The following CLVS1 variants were observed in gnomAD, a reference collection of about 807,000 sequenced individuals.
CLVS1 encodes the protein clavesin-1.
CLVS1 carries 10 observed loss-of-function variants against 33.1 expected under a neutral mutation model. That is an observed-to-expected ratio of 0.30 (90% confidence interval 0.19 to 0.51). The LOEUF (loss-of-function observed/expected upper bound fraction) is 0.51. Ranked by LOEUF, CLVS1 falls within the 20% of genes least tolerant of loss-of-function variation. The probability of loss-of-function intolerance (pLI) is 0.97; values close to 1 mark genes in which losing one functional copy is unlikely to be tolerated. For missense variants in CLVS1, 343 were observed against 433.4 expected, an observed-to-expected ratio of 0.79 and a Z score of 1.85; for synonymous variants, 163 against 166.1, an observed-to-expected ratio of 0.98 and a Z score of 0.14.
chr8:61,012,289 C>T, the CLVS1 span, among the ~76,000 whole-genome samples: 9 of 152,204 alleles, frequency 5.9e-5, no homozygotes, highest in Non-Finnish European at 1.0e-4. Flanking sequence ...CTCGCTCACC[C>T]AAGCTCTTTT....
chr8:61,429,419 TAAAAAAAA>T (rs57688988), intron 3 of CLVS1, among the ~76,000 whole-genome samples: 1 of 73,236 alleles, frequency 1.4e-5, no homozygotes, highest in South Asian at 6.1e-4. Flanking sequence ...GACTCTGTCT[TAAAAAAAA>T]AAAAAAAAAA....
upstream of CLVS1, among the ~76,000 whole-genome samples, chr8:61,284,908 T>G (rs938643859): frequency 6.6e-6 from 1 of 152,140 alleles, no homozygotes. Flanking sequence ...CCAGAGAGAC[T>G]CACATACATT....
chr8:61,399,133 T>C (rs1814650024), intron 3 of CLVS1, among the ~76,000 whole-genome samples: 2 of 152,240 alleles, frequency 1.3e-5, no homozygotes, highest in Non-Finnish European at 2.9e-5. Context: ...CTAAAGTCTC[T>C]TCCACAATGG....
chr8:61,014,146 A>G, the CLVS1 span, among the ~76,000 whole-genome samples: 8 of 143,084 alleles, frequency 5.6e-5, no homozygotes, highest in Admixed American at 4.4e-4. Context: ...TTGAGAAGTC[A>G]TGTCATCCAG....
At chr8:60,989,381 T>C in the CLVS1 span, among the ~76,000 whole-genome samples, 7 of 152,254 alleles carry the variant, frequency 4.6e-5, no homozygotes, top group South Asian at 4.2e-4. Context: ...AGTTTCACCA[T>C]GTTAGTCAGG....
At chr8:61,164,010 T>A (rs1806804385) in intron 2 of CLVS1, among the ~76,000 whole-genome samples, 2 of 152,158 alleles carry the variant, frequency 1.3e-5, no homozygotes, top group Non-Finnish European at 2.9e-5. Context: ...GGTTGCCCAC[T>A]CCCGGCTCGA....
At chr8:61,300,913 AG>A (rs1021406339) in intron 2 of CLVS1, 12 of 152,326 alleles carry the variant, frequency 7.9e-5, no homozygotes, top group Admixed American at 5.2e-4. Flanking sequence ...TTAACTTTCA[AG>A]TCCTACCACT....
At chr8:61,414,411 T>TA (rs71756053) in intron 3 of CLVS1, among the ~76,000 whole-genome samples, 1,644 of 151,804 alleles carry the variant, frequency 0.011, 38 homozygotes, top group African/African-American at 0.037. Context: ...AAATTGTTTT[T>TA]TTTTTTTCAT....
At chr8:61,117,938 G>C (rs1035576306) in intron 1 of CLVS1, among the ~76,000 whole-genome samples, 1 of 152,174 alleles carries the variant, frequency 6.6e-6, no homozygotes, top group African/African-American at 2.4e-5. Flanking sequence ...AATAGTTTCA[G>C]AAGGAATGGT....
chr8:61,018,942 C>T, the CLVS1 span, among the ~76,000 whole-genome samples: 42 of 152,294 alleles, frequency 2.8e-4, no homozygotes, highest in East Asian at 2.1e-3. Flanking sequence ...ATGCTGCAGC[C>T]GTGGTGGAGG....
At chr8:61,333,797 C>T (rs1402794862) in intron 2 of CLVS1, among the ~76,000 whole-genome samples, 1 of 152,122 alleles carries the variant, frequency 6.6e-6, no homozygotes, top group Non-Finnish European at 1.5e-5. Context: ...TATTTCATCA[C>T]CCAGGTATTA....
At chr8:61,458,566 C>T in intron 5 of CLVS1, 24 bp downstream of exon 5, 1 of 1,431,176 alleles carries the variant, frequency 7.0e-7, no homozygotes, top group East Asian at 2.3e-5. Context: ...TATCAGAGCC[C>T]CCCCCCCAGT....
At chr8:61,437,593 C>A (rs1010431723) in intron 3 of CLVS1, among the ~76,000 whole-genome samples, 2 of 152,104 alleles carry the variant, frequency 1.3e-5, no homozygotes, top group African/African-American at 4.8e-5. Flanking sequence ...TAAGGCAGGA[C>A]CAATATGGAG....
chr8:60,991,745 T>A, the CLVS1 span, among the ~76,000 whole-genome samples: 200 of 46,384 alleles, frequency 4.3e-3, no homozygotes, highest in African/African-American at 0.021. Context: ...AGCCCCACTC[T>A]TTTTTTTTTT....
Position 61,090,560 on chromosome 8 carries a change from C to T in CLVS1, c.-243+33330C>T, listed in dbSNP as rs927201269. ...AAAAGCGTGATTCCAAGGGTGGATC[C>T]GTGAGCCAAGAGCCACAGAGAATCA... is the stretch of plus-strand genomic sequence containing the variant. On this transcript the variant is annotated intron_variant, in intron 1 of 2. Coordinates refer to the CLVS1 transcript ENST00000522621. Among the ~76,000 whole-genome samples, 230 of 152,210 alleles carry T rather than the reference C, an allele frequency of 1.5e-3. 4 individuals are homozygous for T. The highest frequency in any genetic ancestry group is 1.7e-4 in the African/African-American group (7 of 41,530).
intron 2 of CLVS1, among the ~76,000 whole-genome samples, chr8:61,190,569 A>T (rs533762204): frequency 1.1e-3 from 170 of 152,330 alleles, no homozygotes; most frequent in Non-Finnish European, 1.9e-3. Context: ...CCTTCAAAAA[A>T]TCAATGAATC....
In CLVS1 at chr8:61,494,982, A is replaced by G. The variant is rs555915279; in HGVS notation, c.978-4473A>G. Among the ~76,000 whole-genome samples the G allele has an allele frequency of 4.6e-5, 7 of 152,262 alleles. No individual in the cohort carries two copies. The East Asian group carries it at 7.7e-4, about 17-fold the overall frequency. ...TTATGTTTGGTTCCTCGGCCTCACT[A>G]TCTCAGAGTTGTCTTATTGCTACTC... On this transcript the variant is annotated intron_variant, in intron 5 of 5. Coordinates refer to ENST00000325897, the MANE Select transcript of CLVS1 (RefSeq NM_173519.3).
At chr8:60,973,568 A>C in the CLVS1 span, among the ~76,000 whole-genome samples, 3 of 152,232 alleles carry the variant, frequency 2.0e-5, no homozygotes, top group Non-Finnish European at 4.4e-5. Flanking sequence ...CATTTATTAA[A>C]AAGCTTTAAA....
intron 1 of CLVS1, among the ~76,000 whole-genome samples, chr8:61,129,277 G>A (rs1214371467): frequency 1.3e-5 from 2 of 152,200 alleles, no homozygotes; most frequent in Non-Finnish European, 2.9e-5. Flanking sequence ...CTTTTCCTGT[G>A]GTTGAGTGAA....
Sources: gnomAD v4.1 joint callset for allele counts (sites outside exome capture counted in the v4.1 genomes callset) on GRCh38, gnomAD v4.1.1 for gene constraint, MANE v1.5 for transcripts, NCBI Gene and HGNC (gene_info 2026-07-23, HGNC 2026-07-21) for gene names.